Variants in CYLC1 observed in about 807,000 individuals in gnomAD.
The protein encoded by CYLC1 is cylicin 1.
A neutral mutation model predicts 31.6 loss-of-function variants in CYLC1; 2 were observed. The ratio of observed to expected loss-of-function variants is 0.06; its 90% CI spans 0.03 to 0.20. The LOEUF (loss-of-function observed/expected upper bound fraction) is 0.20, where lower values mean the gene tolerates loss of function less well. CYLC1 is among the 10% of genes least tolerant of loss of function. The probability of loss-of-function intolerance (pLI) is 1.00; values close to 1 mark genes in which losing one functional copy is unlikely to be tolerated. For missense variants in CYLC1, 595 were observed against 424.1 expected (o/e 1.40, Z -3.54); for synonymous variants, 185 against 153.0 (o/e 1.21, Z -1.54).
chrX:83,876,498 G>C (rs1276625260), intron 4 of CYLC1, among the ~76,000 whole-genome samples: 1 of 111,086 alleles, frequency 9.0e-6, no homozygotes, highest in African/African-American at 3.3e-5. Context: ...TTATCTTTCA[G>C]GGTATGTTCT....
intron 4 of CYLC1, among the ~76,000 whole-genome samples, chrX:83,883,942 T>C (rs5922881): frequency 9.1e-6 from 1 of 110,466 alleles, no homozygotes; most frequent in African/African-American, 3.3e-5. Context: ...CTTGGTTATA[T>C]AAGATAAGCA....
intron 4 of CYLC1, among the ~76,000 whole-genome samples, chrX:83,877,920 ATATATAAATATAAATATATATATTTG>A (rs2031801035): frequency 2.5e-5 from 2 of 80,651 alleles, no homozygotes; most frequent in Admixed American, 1.9e-4. Context: ...ATATATATAT[ATATATAAATATAAATATATATATTTG>A]TATATAAATA....
In CYLC1 at chrX:83,874,531, C is replaced by T; in HGVS notation, c.1823C>T (p.Pro608Leu). Residue 608 changes from proline (P) to leucine (L), a missense_variant, in exon 4 of 5, where the codon CCA becomes CTA. Coordinates refer to ENST00000329312, the MANE Select transcript of CYLC1 (RefSeq NM_021118.3). ...GRVPPSREKP[P>L]LPACEPSLPS... is the part of the protein sequence containing the mutation. ...GTTCCTCCATCAAGAGAAAAACCAC[C>T]ACTCCCTGCTTGTGAGCCTTCTCTA... The T allele has an allele frequency of 8.3e-7, 1 of 1,210,040 alleles. No individual in the cohort carries two copies. Among genetic ancestry groups the T allele is most frequent in the Non-Finnish European group, 1.1e-6 (1 of 894,724 alleles).
At chrX:83,878,906 C>T (rs1227822106) in intron 4 of CYLC1, among the ~76,000 whole-genome samples, 2 of 104,140 alleles carry the variant, frequency 1.9e-5, no homozygotes, top group Non-Finnish European at 3.9e-5. Context: ...CTCCTTTTCT[C>T]CTCCACTGGA....
intron 1 of CYLC1, among the ~76,000 whole-genome samples, chrX:83,866,645 C>T (rs1316826762): frequency 1.8e-5 from 2 of 110,916 alleles, no homozygotes; most frequent in Non-Finnish European, 3.8e-5. Flanking sequence ...GGTTCCTCCA[C>T]AGATGTTTGT....
chrX:83,868,792 T>C (rs781554314), intron 1 of CYLC1, among the ~76,000 whole-genome samples: 97 of 111,429 alleles, frequency 8.7e-4, no homozygotes, highest in South Asian at 6.6e-3. Context: ...ACTGTCACTT[T>C]AAAATAACTT....
chrX:83,877,695 C>A (rs1197728658), intron 4 of CYLC1, among the ~76,000 whole-genome samples: 1 of 104,980 alleles, frequency 9.5e-6, no homozygotes, highest in Non-Finnish European at 1.9e-5. Context: ...TCCCTGACTA[C>A]CTTACTTTAT....
At chrX:83,880,550 A>G (rs968604101) in intron 4 of CYLC1, among the ~76,000 whole-genome samples, 1 of 111,589 alleles carries the variant, frequency 9.0e-6, no homozygotes, top group Admixed American at 9.6e-5. Flanking sequence ...TCCTTGCTCT[A>G]TCACTTACTA....
intron 4 of CYLC1, among the ~76,000 whole-genome samples, chrX:83,884,166 A>G (rs967798413): frequency 1.8e-5 from 2 of 111,834 alleles, no homozygotes; most frequent in African/African-American, 6.5e-5. Flanking sequence ...AAGCATGATG[A>G]CAGGCTAAGG....
At position 83,874,110 on chromosome X, in the gene CYLC1, T is replaced by G. The variant is rs138638555; in HGVS notation, c.1402T>G (p.Ser468Ala). The G allele has an allele frequency of 1.2e-3, 1,461 of 1,199,702 alleles. 18 individuals are homozygous for G. The East Asian group carries it at 0.026, about 21-fold the overall frequency. ...GGATGAAAAGAAGGGGAAGAAAGAT[T>G]CAAAGAAAGATGACAAAAAGAAGGA... The part of the protein sequence containing the change: ...KKDEKKGKKD[S>A]KKDDKKKDAK... Residue 468 changes from serine to alanine, a missense_variant, in exon 4 of 5, where the codon TCA becomes GCA. Coordinates refer to ENST00000329312, the MANE Select transcript of CYLC1 (RefSeq NM_021118.3).
intron 4 of CYLC1, among the ~76,000 whole-genome samples, chrX:83,878,696 A>G (rs1462604229): frequency 9.7e-6 from 1 of 102,573 alleles, no homozygotes; most frequent in African/African-American, 3.5e-5. Flanking sequence ...TAGATATGTC[A>G]TTAAAACAAG....
intron 1 of CYLC1, among the ~76,000 whole-genome samples, chrX:83,863,055 T>G (rs1319564878): frequency 1.8e-5 from 2 of 111,906 alleles, no homozygotes; most frequent in Non-Finnish European, 3.8e-5. Context: ...ACCTGACTCC[T>G]AGTACTCTAC....
chrX:83,881,908 G>A (rs747293067), intron 4 of CYLC1, among the ~76,000 whole-genome samples: 3 of 109,770 alleles, frequency 2.7e-5, no homozygotes, highest in Non-Finnish European at 5.7e-5. Flanking sequence ...GTGTTAGCCA[G>A]GATGGTTTCG....
At chrX:83,871,677 A>T in intron 3 of CYLC1, 107 bp downstream of exon 3, 2 of 754,172 alleles carry the variant, frequency 2.7e-6, no homozygotes, top group South Asian at 6.4e-5. Context: ...GTTGGAAGAT[A>T]TTTTTAAATT....
In CYLC1 at chrX:83,874,330, C is replaced by T; in HGVS notation, c.1622C>T (p.Ser541Leu). ...AAAACATCTACAAAAATCAAAGGTT[C>T]AGATACTGAATCTGAAGAGTCACTA... ...GFKTSTKIKG[S>L]DTESEESLYK... Residue 541 changes from serine to leucine, a missense_variant, in exon 4 of 5, where the codon TCA (serine) becomes TTA (leucine). Coordinates refer to ENST00000329312, the MANE Select transcript of CYLC1 (RefSeq NM_021118.3). 1 of 1,209,196 alleles carries T rather than the reference C, an allele frequency of 8.3e-7. No homozygotes were observed. Among genetic ancestry groups the T allele is most frequent in the Non-Finnish European group, 1.1e-6 (1 of 894,019 alleles).
chrX:83,880,255 C>T (rs1056177757), intron 4 of CYLC1, among the ~76,000 whole-genome samples: 4 of 111,354 alleles, frequency 3.6e-5, no homozygotes, highest in African/African-American at 1.3e-4. Flanking sequence ...TTGGTTGTTT[C>T]TTGGCTGTCC....
rs769298767 is a variant in CYLC1 at position 83,873,061 on chromosome X, C to A, written c.353C>A (p.Ser118Tyr). ...CTTAAAAAAGCAGAATATAAAAAGT[C>A]CAAAGATGAAAAAGGAGGAACACCT... ...THLKKAEYKK[S>Y]KDEKGGTPLK... is the part of the protein sequence containing the mutation. Residue 118 changes from serine (S) to tyrosine (Y), a missense_variant, in exon 4 of 5, where the codon TCC (serine) becomes TAC (tyrosine). By Grantham distance (144) the Ser-to-Tyr change is moderately radical. Coordinates refer to ENST00000329312, the MANE Select transcript of CYLC1 (RefSeq NM_021118.3). The A allele has an allele frequency of 8.4e-7, 1 of 1,196,662 alleles. No homozygotes were observed.
At chrX:83,877,441 G>T (rs914023348) in intron 4 of CYLC1, among the ~76,000 whole-genome samples, 1 of 110,727 alleles carries the variant, frequency 9.0e-6, no homozygotes, top group African/African-American at 3.3e-5. Context: ...CTAGCTTCCA[G>T]TGTCTACAAT....
chrX:83,862,688 A>G (rs2031532673), intron 1 of CYLC1, among the ~76,000 whole-genome samples: 1 of 112,420 alleles, frequency 8.9e-6, no homozygotes, highest in African/African-American at 3.2e-5. Context: ...CTTCCCTCTT[A>G]GATCACAAAG....
Sources: allele counts gnomAD v4.1 joint callset (sites outside exome capture counted in the v4.1 genomes callset), GRCh38; gene constraint gnomAD v4.1.1; transcripts MANE v1.5; gene names NCBI Gene and HGNC (gene_info 2026-07-23, HGNC 2026-07-21).